Variants in TTC29 observed in about 807,000 individuals in gnomAD.
TTC29 encodes tetratricopeptide repeat domain 29.
TTC29 carries 49 observed loss-of-function variants against 58.1 expected under a neutral mutation model. That is an observed-to-expected ratio of 0.84 (90% confidence interval 0.67 to 1.07). The LOEUF (loss-of-function observed/expected upper bound fraction) is 1.07, where lower values mean the gene tolerates loss of function less well. Among genes scored for constraint, TTC29 ranks in the 50% least tolerant of loss-of-function variants. The pLI is 0.00. For missense variants in TTC29, 582 were observed against 555.6 expected, an observed-to-expected ratio of 1.05 and a Z score of -0.48; for synonymous variants, 209 against 196.8, an observed-to-expected ratio of 1.06 and a Z score of -0.52.
chr4:146,901,359 G>A (rs1733136527), intron 6 of TTC29, among the ~76,000 whole-genome samples: 1 of 152,078 alleles, frequency 6.6e-6, no homozygotes, highest in African/African-American at 2.4e-5. Context: ...TATGATATAT[G>A]CACCATATAA....
intron 11 of TTC29, among the ~76,000 whole-genome samples, chr4:146,709,349 C>T (rs557493046): frequency 1.3e-5 from 2 of 152,190 alleles, no homozygotes; most frequent in East Asian, 1.9e-4. Flanking sequence ...TATCCTGACC[C>T]CAGCAATTCT....
In TTC29 at chr4:146,803,558, A is replaced by C; in HGVS notation, c.1229T>G (p.Leu410Arg). 6.2e-7 allele frequency: 1 copy of C among 1,606,002 alleles called. No individual in the cohort carries two copies. The change falls in exon 11 of 13, where the codon CTT becomes CGT. Residue 410 changes from leucine (L) to arginine (R), a missense_variant. Leu to Arg is a moderately radical substitution (Grantham distance 102). Coordinates refer to ENST00000325106, the MANE Select transcript of TTC29 (RefSeq NM_031956.4). ...YGIAKAHQMMLTVNNYIESAD... is the reference protein window; with the variant it reads ...YGIAKAHQMMRTVNNYIESAD... ...AGACTCTATATAGTTGTTCACTGTA[A>C]GCATCATCTGATGAGCTTTTGCTAT...
intron 4 of TTC29, among the ~76,000 whole-genome samples, chr4:146,910,910 T>C (rs878968112): frequency 6.6e-6 from 1 of 152,190 alleles, no homozygotes; most frequent in African/African-American, 2.4e-5. Flanking sequence ...GAGAAAAGTA[T>C]GGAGAAAGGC....
intron 8 of TTC29, among the ~76,000 whole-genome samples, chr4:146,866,521 G>C (rs1019865899): frequency 6.6e-6 from 1 of 152,048 alleles, no homozygotes; most frequent in Non-Finnish European, 1.5e-5. Context: ...TTGAATTGTG[G>C]TTATGCTTGC....
chr4:146,795,915 T>C (rs918840256), intron 11 of TTC29, among the ~76,000 whole-genome samples: 6 of 152,318 alleles, frequency 3.9e-5, no homozygotes, highest in African/African-American at 1.2e-4. Flanking sequence ...ATGACATAGC[T>C]AGAGGCAGAG....
chr4:146,782,840 A>G (rs28662312), intron 11 of TTC29, among the ~76,000 whole-genome samples: 65,169 of 151,792 alleles, frequency 0.43, 15,197 homozygotes, highest in African/African-American at 0.59. Flanking sequence ...AAGGAATATT[A>G]TTTTATTTAA....
intron 11 of TTC29, among the ~76,000 whole-genome samples, chr4:146,772,855 G>A (rs1047280338): frequency 6.6e-6 from 1 of 152,046 alleles, no homozygotes; most frequent in Admixed American, 6.6e-5. Context: ...TTCTATCTAT[G>A]AGCATGGAAT....
At chr4:146,831,031 C>T (rs753840548) in intron 9 of TTC29, among the ~76,000 whole-genome samples, 1 of 152,124 alleles carries the variant, frequency 6.6e-6, no homozygotes, top group African/African-American at 2.4e-5. Flanking sequence ...TATGTGGAGG[C>T]TTGCACTCCC....
chr4:146,789,357 C>G (rs971838441), intron 11 of TTC29, among the ~76,000 whole-genome samples: 7 of 152,138 alleles, frequency 4.6e-5, no homozygotes, highest in African/African-American at 1.7e-4. Flanking sequence ...GATTCTTAAG[C>G]CCCTTCATTA....
In TTC29 at chr4:146,874,678, T is replaced by C. The variant is rs377689545; in HGVS notation, c.799+38A>G. 2.7e-4 allele frequency: 399 copies of C among 1,491,112 alleles called. 1 individual carries two copies. In the African/African-American group the frequency reaches 4.1e-3, roughly 15 times the overall value. 92.4% of individuals were successfully genotyped at this position (1,491,112 alleles called of 1,614,324 possible). ...TCTTGGGAGAAACAGTGTCTACCCA[T>C]TAAAGAAAGCAATGTGAGAGAGTTC... On this transcript the variant is annotated intron_variant, in intron 7 of 12. Transcript: ENST00000325106.
Position 146,930,802 on chromosome 4 carries a change from C to G in TTC29, c.176+6792G>C, listed in dbSNP as rs531574601. On this transcript the variant is annotated intron_variant, in intron 4 of 12. Transcript: ENST00000325106. ...TTGTTTATCCCACTGACTGACAGTT[C>G]TGGCTGATTCATCCTCTGTGGTACC... 2.6e-5 allele frequency among the ~76,000 whole-genome samples: 4 copies of G among 152,316 alleles called. No homozygotes were observed. The South Asian group carries it at 8.3e-4, about 32-fold the overall frequency.
chr4:146,937,334 A>G (rs1735919020), intron 4 of TTC29, among the ~76,000 whole-genome samples: 1 of 152,098 alleles, frequency 6.6e-6, no homozygotes, highest in African/African-American at 2.4e-5. Flanking sequence ...AGCAATTAAT[A>G]GCACAGACTT....
intron 6 of TTC29, among the ~76,000 whole-genome samples, chr4:146,894,525 T>C (rs1478423828): frequency 1.0e-5 from 1 of 100,216 alleles, no homozygotes; most frequent in Non-Finnish European, 1.9e-5. Context: ...CACCAGGGCC[T>C]GTTGTGGGGT....
intron 2 of TTC29, chr4:146,942,872 C>T: frequency 2.7e-6 from 1 of 371,444 alleles, no homozygotes; most frequent in African/African-American, 2.0e-5. Flanking sequence ...CACCCAGGAG[C>T]TTCAAAATGA....
At chr4:146,712,267 T>G in intron 11 of TTC29, among the ~76,000 whole-genome samples, 1 of 152,176 alleles carries the variant, frequency 6.6e-6, no homozygotes, top group Non-Finnish European at 1.5e-5. Flanking sequence ...ATATTGACAG[T>G]TATGACTTTA....
At chr4:146,850,633 T>C (rs1303732798) in intron 8 of TTC29, among the ~76,000 whole-genome samples, 1 of 152,242 alleles carries the variant, frequency 6.6e-6, no homozygotes, top group Non-Finnish European at 1.5e-5. Context: ...GTGGTCTTTC[T>C]GGTATTTTCA....
chr4:146,814,798 G>A (rs1022219960), intron 10 of TTC29, among the ~76,000 whole-genome samples: 2 of 151,382 alleles, frequency 1.3e-5, no homozygotes, highest in Non-Finnish European at 2.9e-5. Context: ...TAAGGGGAAG[G>A]CCCCACTGAA....
chr4:146,746,342 G>T (rs1745546881), intron 11 of TTC29, among the ~76,000 whole-genome samples: 1 of 152,158 alleles, frequency 6.6e-6, no homozygotes, highest in Non-Finnish European at 1.5e-5. Flanking sequence ...ATAGACAGTT[G>T]CATTAAGAAT....
intron 6 of TTC29, among the ~76,000 whole-genome samples, chr4:146,895,918 A>C (rs1430093721): frequency 6.6e-6 from 1 of 152,104 alleles, no homozygotes; most frequent in African/African-American, 2.4e-5. Flanking sequence ...GTATTTATAA[A>C]AGTTTCTCAA....
Sources: allele counts gnomAD v4.1 joint callset (sites outside exome capture counted in the v4.1 genomes callset), GRCh38; gene constraint gnomAD v4.1.1; transcripts MANE v1.5; gene names NCBI Gene and HGNC (gene_info 2026-07-23, HGNC 2026-07-21).